Variants in TIMP3 observed in about 807,000 individuals in gnomAD.
The protein encoded by TIMP3 is TIMP metallopeptidase inhibitor 3.
Under a neutral mutation model 30.0 loss-of-function variants are expected in TIMP3, and 11 were observed. That is an observed-to-expected ratio of 0.37 (90% confidence interval 0.23 to 0.61). The LOEUF (loss-of-function observed/expected upper bound fraction) is 0.61. Among genes scored for constraint, TIMP3 ranks in the 20% least tolerant of loss-of-function variants. TIMP3 has a pLI of 0.70. For missense variants in TIMP3, 181 were observed against 276.8 expected (o/e 0.65, Z 2.45); for synonymous variants, 112 against 111.3 (o/e 1.01, Z -0.04).
chr22:32,844,202 G>A (rs2047996473), intron 1 of TIMP3, among the ~76,000 whole-genome samples: 1 of 152,178 alleles, frequency 6.6e-6, no homozygotes, highest in African/African-American at 2.4e-5. Flanking sequence ...ACAATGGTTG[G>A]ATGGGGGATA....
chr22:32,816,813 C>T (rs1053861982), intron 1 of TIMP3, among the ~76,000 whole-genome samples: 3 of 152,158 alleles, frequency 2.0e-5, no homozygotes, highest in Non-Finnish European at 4.4e-5. Flanking sequence ...AGCAGCACCT[C>T]TTGTAAGTCA....
chr22:32,809,369 T>C (rs1601410873), intron 1 of TIMP3, among the ~76,000 whole-genome samples: 1 of 152,368 alleles, frequency 6.6e-6, no homozygotes, highest in East Asian at 1.9e-4. Context: ...CCCGTCAGTC[T>C]GCTTATCTTT....
chr22:32,825,399 G>A (rs1478411827), intron 1 of TIMP3, among the ~76,000 whole-genome samples: 1 of 151,916 alleles, frequency 6.6e-6, no homozygotes, highest in Non-Finnish European at 1.5e-5. Context: ...GGTGGCTCAC[G>A]CCTGTAATCC....
At chr22:32,838,170 G>A (rs1327795722) in intron 1 of TIMP3, among the ~76,000 whole-genome samples, 1 of 152,204 alleles carries the variant, frequency 6.6e-6, no homozygotes, top group Non-Finnish European at 1.5e-5. Context: ...ACATGGCACA[G>A]GATCTGAGAT....
chr22:32,806,308 T>C (rs983950025), intron 1 of TIMP3, among the ~76,000 whole-genome samples: 3 of 152,146 alleles, frequency 2.0e-5, no homozygotes, highest in Admixed American at 2.0e-4. Flanking sequence ...CAGAAGTAGC[T>C]TGGGTGGAGG....
Position 32,802,025 on chromosome 22 carries a change from C to A in TIMP3, c.24C>A (p.Ile8=), listed in dbSNP as rs2046600499. 4.4e-6 allele frequency: 7 copies of A among 1,576,918 alleles called. No individual in the cohort carries two copies. The highest frequency in any genetic ancestry group is 6.0e-6 in the Non-Finnish European group (7 of 1,166,632). The change falls in exon 1 of 5, where the codon ATC becomes ATA. Residue 8 remains isoleucine (I), a synonymous_variant. Coordinates refer to ENST00000266085, the MANE Select transcript of TIMP3 (RefSeq NM_000362.5). ...CAATGACCCCTTGGCTCGGGCTCAT[C>A]GTGCTCCTGGGCAGCTGGAGCCTGG... The part of the protein sequence containing the change: MTPWLGL[I]VLLGSWSLGD...
At position 32,833,668 on chromosome 22, in the gene TIMP3, C is replaced by A. The variant is rs539720766; in HGVS notation, c.122-15784C>A. 1.2e-4 allele frequency among the ~76,000 whole-genome samples: 19 copies of A among 152,308 alleles called. No individual in the cohort carries two copies. The East Asian group carries it at 2.7e-3, about 22-fold the overall frequency. On this transcript the variant is annotated intron_variant, in intron 1 of 4. Coordinates refer to ENST00000266085, the MANE Select transcript of TIMP3 (RefSeq NM_000362.5). ...GACCCAGAGATGAGAAGTAGGGGCT[C>A]CCAATTCAGGCTGCCTGGACTGGCA... is the stretch of plus-strand genomic sequence containing the variant.
chr22:32,811,958 G>A (rs541853083), intron 1 of TIMP3, among the ~76,000 whole-genome samples: 6 of 152,258 alleles, frequency 3.9e-5, no homozygotes, highest in South Asian at 4.1e-4. Flanking sequence ...GTCAGCAACC[G>A]CTCCCCTATC....
At chr22:32,856,493 TC>T (rs1261694822) in intron 2 of TIMP3, among the ~76,000 whole-genome samples, 1 of 152,148 alleles carries the variant, frequency 6.6e-6, no homozygotes, top group Admixed American at 6.5e-5. Flanking sequence ...CAGCAAGCCT[TC>T]TGGGTACTGA....
At chr22:32,841,927 A>C (rs1339755115) in intron 1 of TIMP3, among the ~76,000 whole-genome samples, 1 of 152,166 alleles carries the variant, frequency 6.6e-6, no homozygotes, top group Non-Finnish European at 1.5e-5. Flanking sequence ...AGTTGTGCAG[A>C]TGGTGCTGAG....
At chr22:32,802,235 C>G in intron 1 of TIMP3, 113 bp downstream of exon 1, 5 of 1,430,734 alleles carry the variant, frequency 3.5e-6, no homozygotes, top group South Asian at 1.3e-5. Flanking sequence ...GAGGGGCAGA[C>G]GGGGTTGGGG....
At chr22:32,839,712 G>A (rs528697142) in intron 1 of TIMP3, among the ~76,000 whole-genome samples, 1 of 152,106 alleles carries the variant, frequency 6.6e-6, no homozygotes, top group African/African-American at 2.4e-5. Context: ...TAGAAGGAGC[G>A]ACTCTTAAAT....
At chr22:32,857,913 A>C (rs924997801) in intron 3 of TIMP3, 104 bp from the exon 4 acceptor site, 25 of 1,574,020 alleles carry the variant, frequency 1.6e-5, no homozygotes, top group Non-Finnish European at 2.1e-5. Flanking sequence ...AAAAGTACCC[A>C]GCCACAGTGC....
chr22:32,833,698 A>G (rs1029519958), intron 1 of TIMP3: 46 of 455,408 alleles, frequency 1.0e-4, no homozygotes, highest in African/African-American at 6.5e-4. Flanking sequence ...CTGGCATGCT[A>G]TGTCCACCAC....
chr22:32,818,656 C>A (rs1043294791), intron 1 of TIMP3, among the ~76,000 whole-genome samples: 1 of 152,234 alleles, frequency 6.6e-6, no homozygotes, highest in Admixed American at 6.5e-5. Flanking sequence ...TGTCTCCCCT[C>A]CGGCGCTGGG....
intron 1 of TIMP3, among the ~76,000 whole-genome samples, chr22:32,821,684 G>A (rs2047250552): frequency 6.6e-6 from 1 of 152,178 alleles, no homozygotes; most frequent in Admixed American, 6.5e-5. Flanking sequence ...CAGGTGGGGA[G>A]TGGGGGAAAG....
intron 1 of TIMP3, among the ~76,000 whole-genome samples, chr22:32,833,385 G>A (rs1449219323): frequency 2.6e-5 from 4 of 152,152 alleles, no homozygotes; most frequent in African/African-American, 9.7e-5. Flanking sequence ...CACCTAGGTG[G>A]GAGAAAGCCA....
At chr22:32,852,737 A>ATGTG (rs113858544) in intron 2 of TIMP3, among the ~76,000 whole-genome samples, 36,499 of 151,520 alleles carry the variant, frequency 0.24, 4,454 homozygotes, top group Middle Eastern at 0.32. Flanking sequence ...GACCTGCGAT[A>ATGTG]TGTGTGTGTG....
chr22:32,806,429 C>T (rs130270), intron 1 of TIMP3, among the ~76,000 whole-genome samples: 23,896 of 152,196 alleles, frequency 0.16, 2,409 homozygotes, highest in East Asian at 0.35. Flanking sequence ...GATTCTCCAT[C>T]GCACTTGGCT....
Sources: gnomAD v4.1 joint callset for allele counts (sites outside exome capture counted in the v4.1 genomes callset) on GRCh38, gnomAD v4.1.1 for gene constraint, MANE v1.5 for transcripts, NCBI Gene and HGNC (gene_info 2026-07-23, HGNC 2026-07-21) for gene names.